Variants in CYSLTR2 observed in about 807,000 individuals in gnomAD.
The protein encoded by CYSLTR2 is cysteinyl leukotriene receptor 2.
For synonymous variants in CYSLTR2, 179 were observed against 160.8 expected (o/e 1.11, Z -0.86); for missense variants, 398 against 411.9 (o/e 0.97, Z 0.29).
chr13:48,684,393 G>A (rs1953842940), intron 1 of CYSLTR2, among the ~76,000 whole-genome samples: 2 of 151,408 alleles, frequency 1.3e-5, no homozygotes, highest in South Asian at 4.2e-4. Flanking sequence ...TTCCCATAAG[G>A]TATAAAAAGT....
At chr13:48,702,508 T>C (rs891969147) in intron 4 of CYSLTR2, among the ~76,000 whole-genome samples, 3 of 152,230 alleles carry the variant, frequency 2.0e-5, no homozygotes, top group African/African-American at 7.2e-5. Context: ...TTTGTTTTTT[T>C]GCCTATGGCT....
chr13:48,697,917 A>T (rs1263137469), intron 4 of CYSLTR2, among the ~76,000 whole-genome samples: 1 of 152,240 alleles, frequency 6.6e-6, no homozygotes, highest in African/African-American at 2.4e-5. Context: ...AAAGGTTATC[A>T]GTGATTTAAG....
intron 3 of CYSLTR2, among the ~76,000 whole-genome samples, chr13:48,694,459 T>C (rs1346291685): frequency 6.6e-6 from 1 of 152,218 alleles, no homozygotes; most frequent in African/African-American, 2.4e-5. Context: ...CTGACTAGAT[T>C]TGCAATAAGT....
At chr13:48,680,376 G>C (rs1159567942) in intron 1 of CYSLTR2, among the ~76,000 whole-genome samples, 1 of 152,206 alleles carries the variant, frequency 6.6e-6, no homozygotes, top group East Asian at 1.9e-4. Flanking sequence ...ATCAGGAACA[G>C]TTGCAGCTTT....
chr13:48,689,354 C>G (rs140298352), intron 1 of CYSLTR2, among the ~76,000 whole-genome samples: 4 of 152,060 alleles, frequency 2.6e-5, no homozygotes, highest in African/African-American at 9.7e-5. Context: ...AATGTATTGC[C>G]TAGGTTTTCT....
Position 48,690,257 on chromosome 13 carries a change from C to T in CYSLTR2, c.-265-955C>T, listed in dbSNP as rs914829564. 4.6e-5 allele frequency among the ~76,000 whole-genome samples: 7 copies of T among 152,044 alleles called. No homozygotes were observed. The South Asian group carries it at 8.3e-4, about 18-fold the overall frequency. ...GATACCCTTTATTTCTTTCTCTTGC[C>T]TGATTGTCCTGGCCAGAACGTCCAA... On this transcript the variant is annotated intron_variant, in intron 1 of 4. Coordinates refer to ENST00000682523, the MANE Select transcript of CYSLTR2 (RefSeq NM_001308476.3).
At chr13:48,684,933 C>T (rs1566094264) in intron 1 of CYSLTR2, among the ~76,000 whole-genome samples, 1 of 152,124 alleles carries the variant, frequency 6.6e-6, no homozygotes. Flanking sequence ...TTCTGTAAGG[C>T]AAGAAGTGCC....
At chr13:48,698,974 A>G (rs1013761875) in intron 4 of CYSLTR2, among the ~76,000 whole-genome samples, 3 of 152,276 alleles carry the variant, frequency 2.0e-5, no homozygotes, top group Non-Finnish European at 4.4e-5. Context: ...AGAGCTAACT[A>G]TCCTAAATAT....
In CYSLTR2 at chr13:48,662,931, G is replaced by A. The variant is rs942241108; in HGVS notation, c.-266+8914G>A. Among the ~76,000 whole-genome samples, 8 of 152,082 alleles carry A rather than the reference G, an allele frequency of 5.3e-5. No individual in the cohort carries two copies. The South Asian group carries it at 1.0e-3, about 20-fold the overall frequency. ...TCACAAAATCATTTCCCAGACCAGT[G>A]TTCTGAAATGTGTGTCCCATGTTTC... On this transcript the variant is annotated intron_variant, in intron 1 of 4. Coordinates refer to ENST00000682523, the MANE Select transcript of CYSLTR2 (RefSeq NM_001308476.3).
At chr13:48,658,881 G>A (rs895292468) in intron 1 of CYSLTR2, among the ~76,000 whole-genome samples, 2 of 152,136 alleles carry the variant, frequency 1.3e-5, no homozygotes, top group Non-Finnish European at 2.9e-5. Context: ...ATGATAATGG[G>A]TTTTAAGTGG....
intron 3 of CYSLTR2, chr13:48,694,775 C>G (rs376347069): frequency 1.6e-4 from 24 of 152,242 alleles, no homozygotes; most frequent in African/African-American, 5.3e-4. Context: ...GGGATCACCT[C>G]TTCAGGTGTA....
intron 4 of CYSLTR2, among the ~76,000 whole-genome samples, chr13:48,702,766 G>C (rs954318640): frequency 6.6e-6 from 1 of 152,052 alleles, no homozygotes; most frequent in African/African-American, 2.4e-5. Context: ...AAGTGTTTTT[G>C]CTGTTCTAGT....
At chr13:48,658,437 A>C (rs756299172) in intron 1 of CYSLTR2, among the ~76,000 whole-genome samples, 2 of 152,240 alleles carry the variant, frequency 1.3e-5, no homozygotes, top group Non-Finnish European at 2.9e-5. Context: ...CAGCTTCATT[A>C]GCTCATTTAT....
intron 1 of CYSLTR2, among the ~76,000 whole-genome samples, chr13:48,674,033 T>A (rs1388127266): frequency 6.6e-6 from 1 of 152,176 alleles, no homozygotes; most frequent in Non-Finnish European, 1.5e-5. Flanking sequence ...AACCCAACCT[T>A]TCTGTCTGAC....
At chr13:48,680,282 A>G (rs1953713475) in intron 1 of CYSLTR2, among the ~76,000 whole-genome samples, 1 of 152,162 alleles carries the variant, frequency 6.6e-6, no homozygotes, top group Non-Finnish European at 1.5e-5. Context: ...GTGGGGGAGG[A>G]GTCTGTGCCA....
chr13:48,700,486 G>A (rs906394850), intron 4 of CYSLTR2, among the ~76,000 whole-genome samples: 3 of 152,104 alleles, frequency 2.0e-5, no homozygotes, highest in South Asian at 2.1e-4. Context: ...ATGCTAAAAA[G>A]TGTCAATAAA....
chr13:48,693,615 C>T (rs1363660899), intron 3 of CYSLTR2, 105 bp downstream of exon 3: 1 of 143,934 alleles, frequency 6.9e-6, no homozygotes, highest in African/African-American at 2.5e-5. Flanking sequence ...AATAATAAAT[C>T]AACACCAAAA....
chr13:48,674,760 T>C (rs983540536), intron 1 of CYSLTR2, among the ~76,000 whole-genome samples: 1 of 152,244 alleles, frequency 6.6e-6, no homozygotes, highest in Non-Finnish European at 1.5e-5. Context: ...TTCATGGATT[T>C]ATGTACCTTT....
intron 1 of CYSLTR2, among the ~76,000 whole-genome samples, chr13:48,668,855 C>T (rs1236450082): frequency 4.6e-5 from 7 of 151,918 alleles, no homozygotes; most frequent in Non-Finnish European, 1.0e-4. Context: ...TGAGAACATG[C>T]GGTGTTTGGT....
Sources: allele counts gnomAD v4.1 joint callset (sites outside exome capture counted in the v4.1 genomes callset), GRCh38; gene constraint gnomAD v4.1.1; transcripts MANE v1.5; gene names NCBI Gene and HGNC (gene_info 2026-07-23, HGNC 2026-07-21).